HDGFL3: variants seen among roughly 807,000 people sequenced by gnomAD.
HDGFL3 encodes hepatoma-derived growth factor-related protein 3.
A neutral mutation model predicts 27.6 loss-of-function variants in HDGFL3; 6 were observed. The observed-to-expected ratio is 0.22, with a 90% CI of 0.12 to 0.43. The LOEUF (loss-of-function observed/expected upper bound fraction) is 0.43, where lower values mean the gene tolerates loss of function less well. Among genes scored for constraint, HDGFL3 ranks in the 20% least tolerant of loss-of-function variants. HDGFL3 has a pLI of 1.00. For synonymous variants in HDGFL3, 88 were observed against 88.9 expected (o/e 0.99, Z 0.05); for missense variants, 207 against 250.1 (o/e 0.83, Z 1.16).
chr15:83,156,104 C>A (rs2037025603), intron 4 of HDGFL3, among the ~76,000 whole-genome samples: 1 of 152,128 alleles, frequency 6.6e-6, no homozygotes, highest in Non-Finnish European at 1.5e-5. Context: ...GCCAGCCTTT[C>A]CCCCTTGGTC....
rs2036337289 is a variant in HDGFL3, at chr15:83,132,708, A to G, written c.*6562T>C. The stretch of plus-strand genomic sequence containing the variant: ...CACGCTCAGCCTGGAAGTAAATTTC[A>G]TACGGTTTTTCCCTCATGGAGACGT... On this transcript the variant is annotated 3_prime_UTR_variant, in exon 6 of 6. Coordinates refer to ENST00000299633, the MANE Select transcript of HDGFL3 (RefSeq NM_016073.4). 1 of 152,110 alleles carries G rather than the reference A, an allele frequency of 6.6e-6. No individual in the cohort carries two copies. The allele number at this position is 152,110 out of a possible 1,614,324, so 9.4% of individuals were successfully genotyped here.
intron 4 of HDGFL3, 22 bp from the exon 5 acceptor site, chr15:83,151,383 ATAT>A (rs753949350): frequency 3.2e-6 from 5 of 1,585,886 alleles, no homozygotes; most frequent in African/African-American, 1.4e-5. Context: ...GACAAGTTAA[ATAT>A]TATAGTCAAA....
At chr15:83,177,639 T>C (rs752150943) in intron 1 of HDGFL3, among the ~76,000 whole-genome samples, 57 of 152,240 alleles carry the variant, frequency 3.7e-4, no homozygotes, top group South Asian at 6.2e-4. Context: ...GGATAATCTT[T>C]GCATATTTGA....
chr15:83,204,879 A>G (rs920076989), intron 1 of HDGFL3, among the ~76,000 whole-genome samples: 2 of 152,214 alleles, frequency 1.3e-5, no homozygotes, highest in Non-Finnish European at 2.9e-5. Context: ...AATCCTCTTG[A>G]CCTACATTCC....
chr15:83,120,858 GC>G (rs1426844264), intron 3 of HDGFL3, among the ~76,000 whole-genome samples: 3 of 151,222 alleles, frequency 2.0e-5, no homozygotes, highest in South Asian at 2.1e-4. Flanking sequence ...GAACCACCGT[GC>G]CCGGCTCCAG....
intron 4 of HDGFL3, among the ~76,000 whole-genome samples, 199 bp from the exon 5 acceptor site, chr15:83,151,560 T>C (rs2036964149): frequency 6.6e-6 from 1 of 152,220 alleles, no homozygotes; most frequent in Non-Finnish European, 1.5e-5. Flanking sequence ...TCAGTTTAAC[T>C]AGCTGGAAAG....
chr15:83,194,405 G>C (rs561626175), intron 1 of HDGFL3, among the ~76,000 whole-genome samples: 1 of 152,238 alleles, frequency 6.6e-6, no homozygotes, highest in East Asian at 1.9e-4. Flanking sequence ...TAGGAGGCAG[G>C]GAATGTAGAG....
At position 83,130,705 on chromosome 15, in the gene HDGFL3, T is replaced by C. The variant is rs2036171880; in HGVS notation, c.*8565A>G. On this transcript the variant is annotated 3_prime_UTR_variant, in exon 6 of 6. Transcript: ENST00000299633. ...AACAAAACAATAGATATGACCAGAATACTGAATTACGTTATTTGTTTTGTA... is the reference window on the plus strand; with the variant it reads ...AACAAAACAATAGATATGACCAGAACACTGAATTACGTTATTTGTTTTGTA... 1 of 152,234 alleles carries C rather than the reference T, an allele frequency of 6.6e-6. No homozygotes were observed. The highest frequency in any genetic ancestry group is 1.9e-4 in the East Asian group (1 of 5,204). The allele number at this position is 152,234 out of a possible 1,614,324, so 9.4% of individuals were successfully genotyped here.
chr15:83,139,421 G>A (rs1055487615), intron 5 of HDGFL3, 146 bp from the exon 6 acceptor site: 2 of 448,920 alleles, frequency 4.5e-6, no homozygotes, highest in African/African-American at 2.0e-5. Context: ...TACTGAGCAA[G>A]AGCAGCTTCT....
At chr15:83,159,517 G>T (rs548525175) in intron 2 of HDGFL3, among the ~76,000 whole-genome samples, 3 of 152,116 alleles carry the variant, frequency 2.0e-5, no homozygotes, top group South Asian at 2.1e-4. Context: ...CAGGGGTGGG[G>T]GTTTGGACAA....
rs2036698855 is a variant in HDGFL3 at position 83,138,441 on chromosome 15, G to T, written c.*829C>A. ...AGGATGAATATTAACTATTCTAATT[G>T]TAGTTCCAAAAGAAAACAGTTTATT... On this transcript the variant is annotated 3_prime_UTR_variant, in exon 6 of 6. Transcript: ENST00000299633. 2.0e-5 allele frequency: 3 copies of T among 152,354 alleles called. No individual in the cohort carries two copies. Among genetic ancestry groups the T allele is most frequent in the Admixed American group, 2.0e-4 (3 of 15,268 alleles). The allele number at this position is 152,354 out of a possible 1,614,324, so 9.4% of individuals were successfully genotyped here. A position where few individuals can be genotyped will look rare whatever the true frequency, so the allele number is the denominator to read the frequency against.
chr15:83,186,742 G>A (rs1401614508), intron 1 of HDGFL3, among the ~76,000 whole-genome samples: 1 of 152,094 alleles, frequency 6.6e-6, no homozygotes, highest in African/African-American at 2.4e-5. Context: ...GGAAGAGGGT[G>A]GGAGGGGGGC....
rs2037134502 is a variant in HDGFL3, at chr15:83,164,155, A to G, written c.85-80T>C. The G allele has an allele frequency of 1.5e-5, 13 of 844,774 alleles. No homozygotes were observed. The South Asian group carries it at 2.4e-4, about 16-fold the overall frequency. 52.3% of individuals were successfully genotyped at this position (844,774 alleles called of 1,614,324 possible). ...GCATTGTTCTGATAATTTACTGCTA[A>G]TTTCAAAATAAAATCAATCAAAACT... On this transcript the variant is annotated intron_variant, in intron 1 of 5. Coordinates refer to ENST00000299633, the MANE Select transcript of HDGFL3 (RefSeq NM_016073.4).
intron 1 of HDGFL3, among the ~76,000 whole-genome samples, chr15:83,191,201 G>A (rs996130618): frequency 6.6e-6 from 1 of 151,724 alleles, no homozygotes; most frequent in African/African-American, 2.4e-5. Context: ...ATAACTGATA[G>A]GACAAGTCTC....
rs1454697271 is a variant in HDGFL3, at chr15:83,128,508, C to G, written c.*10762G>C. On this transcript the variant is annotated 3_prime_UTR_variant, in exon 6 of 6. Transcript: ENST00000299633. ...ACCTCTAAATACCTGATTCCTCAGT[C>G]CTTGGGGTTTATTTCTGTATTTTAG... The G allele has an allele frequency of 6.6e-6, 1 of 152,162 alleles. No individual in the cohort carries two copies. 9.4% of individuals were successfully genotyped at this position (152,162 alleles called of 1,614,324 possible).
chr15:83,141,994 G>A (rs2036781059), intron 5 of HDGFL3, among the ~76,000 whole-genome samples: 1 of 152,072 alleles, frequency 6.6e-6, no homozygotes, highest in Non-Finnish European at 1.5e-5. Flanking sequence ...ACAACTCAAT[G>A]GCTATTACTA....
intron 2 of HDGFL3, among the ~76,000 whole-genome samples, chr15:83,159,994 T>G (rs929317510): frequency 6.6e-6 from 1 of 152,328 alleles, no homozygotes; most frequent in East Asian, 1.9e-4. Flanking sequence ...GAAGACTTAG[T>G]TACTACAGTA....
At chr15:83,126,877 C>T, downstream of HDGFL3, 1 of 1,557,024 alleles carries the variant, frequency 6.4e-7, no homozygotes, top group Non-Finnish European at 8.8e-7. Flanking sequence ...TAAGATTTTT[C>T]TAAAATTAAT....
chr15:83,200,856 CTTT>C (rs200038603), intron 1 of HDGFL3, among the ~76,000 whole-genome samples: 28 of 120,154 alleles, frequency 2.3e-4, no homozygotes, highest in African/African-American at 4.9e-4. Context: ...TTACTTTATT[CTTT>C]TTTTTTTTTT....
Sources: allele counts gnomAD v4.1 joint callset (sites outside exome capture counted in the v4.1 genomes callset), GRCh38; gene constraint gnomAD v4.1.1; transcripts MANE v1.5; gene names NCBI Gene and HGNC (gene_info 2026-07-23, HGNC 2026-07-21).